Variants in ARID5B observed in about 807,000 individuals in gnomAD.
ARID5B encodes the protein AT-rich interactive domain-containing protein 5B.
Under a neutral mutation model 97.2 loss-of-function variants are expected in ARID5B, and 13 were observed. The ratio of observed to expected loss-of-function variants is 0.13; its 90% CI spans 0.09 to 0.21. The LOEUF is 0.21. Ranked by LOEUF, ARID5B falls within the 10% of genes least tolerant of loss-of-function variation. The pLI is 1.00. For missense variants in ARID5B, 1,210 were observed against 1,465.3 expected (o/e 0.83, Z 2.84); for synonymous variants, 556 against 570.3 (o/e 0.97, Z 0.36).
At chr10:61,904,117 TA>T (rs1200108725) in intron 2 of ARID5B, among the ~76,000 whole-genome samples, 1 of 138,966 alleles carries the variant, frequency 7.2e-6, no homozygotes, top group East Asian at 2.4e-4. Flanking sequence ...CCTGATTTCT[TA>T]TTATTTGCTT....
At chr10:61,943,716 T>C (rs1844453676) in intron 3 of ARID5B, among the ~76,000 whole-genome samples, 1 of 152,056 alleles carries the variant, frequency 6.6e-6, no homozygotes, top group Non-Finnish European at 1.5e-5. Context: ...CCAGTTTGTG[T>C]CACTTCCTGT....
chr10:62,061,034 A>G (rs1417374512), intron 7 of ARID5B, among the ~76,000 whole-genome samples: 1 of 152,242 alleles, frequency 6.6e-6, no homozygotes, highest in African/African-American at 2.4e-5. Context: ...TGGATGAATG[A>G]ATGACCACAC....
At chr10:61,953,428 G>A (rs187643299) in intron 3 of ARID5B, among the ~76,000 whole-genome samples, 96 of 152,138 alleles carry the variant, frequency 6.3e-4, no homozygotes, top group Non-Finnish European at 1.2e-3. Flanking sequence ...TCACATGTGC[G>A]GCCTGTATCT....
chr10:61,950,521 T>A (rs1246869717), intron 3 of ARID5B, among the ~76,000 whole-genome samples: 1 of 152,116 alleles, frequency 6.6e-6, no homozygotes. Flanking sequence ...ATTTTAAAAA[T>A]TAGCTGAGTT....
chr10:62,070,722 G>C (rs936236508), intron 8 of ARID5B, among the ~76,000 whole-genome samples: 54 of 152,202 alleles, frequency 3.5e-4, no homozygotes, highest in Admixed American at 1.1e-3. Context: ...TTGCTACAAA[G>C]TATTCCCAAA....
chr10:61,902,561 G>C, intron 2 of ARID5B, 148 bp downstream of exon 2: 1 of 1,135,154 alleles, frequency 8.8e-7, no homozygotes, highest in Non-Finnish European at 1.2e-6. Flanking sequence ...CACTAGCTGG[G>C]GCTCGAGTAT....
Position 62,051,247 on chromosome 10 carries a change from G to A in ARID5B, c.846+247G>A, listed in dbSNP as rs916098904. 5.1e-6 allele frequency: 3 copies of A among 583,344 alleles called. No homozygotes were observed. The African/African-American group carries it at 5.6e-5, about 11-fold the overall frequency. The allele number at this position is 583,344 out of a possible 1,614,324, so 36.1% of individuals were successfully genotyped here. On this transcript the variant is annotated intron_variant, in intron 5 of 9. Transcript: ENST00000279873. ...GACTTCCTACCTCCCAGTTTGGCCT[G>A]TTATGAGTAAAGGACAGATGATTAA...
At chr10:62,054,161 G>A (rs540256744) in intron 5 of ARID5B, among the ~76,000 whole-genome samples, 14 of 152,250 alleles carry the variant, frequency 9.2e-5, no homozygotes, top group African/African-American at 3.4e-4. Context: ...GGTGTATGGT[G>A]TTCAGGTCAG....
chr10:62,056,407 C>T (rs2132938463), intron 5 of ARID5B, among the ~76,000 whole-genome samples: 1 of 150,828 alleles, frequency 6.6e-6, no homozygotes, highest in East Asian at 1.9e-4. Context: ...GAGGGTGTAC[C>T]CCCGCATCAC....
At chr10:61,984,987 G>T (rs1838827479) in intron 3 of ARID5B, among the ~76,000 whole-genome samples, 1 of 151,996 alleles carries the variant, frequency 6.6e-6, no homozygotes, top group Non-Finnish European at 1.5e-5. Context: ...GAAAAATGGG[G>T]CTCATAATAA....
intron 1 of ARID5B, 69 bp from the exon 2 acceptor site, chr10:61,902,090 T>C (rs1004645794): frequency 4.4e-6 from 7 of 1,575,736 alleles, no homozygotes; most frequent in Non-Finnish European, 6.1e-6. Context: ...TGTGTAAATG[T>C]GTCTGGGAAT....
At chr10:62,039,718 G>A (rs1396500853) in intron 4 of ARID5B, among the ~76,000 whole-genome samples, 1 of 152,216 alleles carries the variant, frequency 6.6e-6, no homozygotes, top group African/African-American at 2.4e-5. Context: ...AATGATTGCG[G>A]AAAGAATGTT....
intron 2 of ARID5B, among the ~76,000 whole-genome samples, chr10:61,918,620 TA>T (rs1843951568): frequency 6.6e-6 from 1 of 152,236 alleles, no homozygotes; most frequent in African/African-American, 2.4e-5. Flanking sequence ...GTTTTTCATT[TA>T]CCCCAAAAGA....
chr10:62,024,973 G>C (rs1323087347), intron 4 of ARID5B: 1 of 263,072 alleles, frequency 3.8e-6, no homozygotes, highest in Non-Finnish European at 7.2e-6. Flanking sequence ...TAAAAGTCTT[G>C]CAGGTTAAGT....
chr10:62,068,505 G>A (rs1840021746), intron 7 of ARID5B, among the ~76,000 whole-genome samples: 1 of 151,682 alleles, frequency 6.6e-6, no homozygotes, highest in Non-Finnish European at 1.5e-5. Flanking sequence ...CAATTACAGA[G>A]CCCCGGTTGC....
chr10:62,031,359 T>C (rs1026477167), intron 4 of ARID5B, among the ~76,000 whole-genome samples: 2 of 150,982 alleles, frequency 1.3e-5, no homozygotes, highest in Non-Finnish European at 3.0e-5. Flanking sequence ...TGTAGATTGG[T>C]CCACTTTTCT....
At chr10:62,006,340 G>A (rs910271641) in intron 4 of ARID5B, among the ~76,000 whole-genome samples, 1 of 152,166 alleles carries the variant, frequency 6.6e-6, no homozygotes, top group Non-Finnish European at 1.5e-5. Flanking sequence ...TACTCGGGAG[G>A]CTGAGGCAGG....
chr10:62,092,042 A>G lies in ARID5B; in HGVS notation c.2579A>G (p.Asp860Gly), dbSNP rs1406590994. The change falls in exon 10 of 10, where the codon GAC (aspartate) becomes GGC (glycine). Residue 860 changes from aspartate to glycine, a missense_variant. Physicochemically the swap from Asp to Gly is moderately conservative, Grantham distance 94 (BLOSUM62 -1). Transcript: ENST00000279873. ...CAGACATCCAAATACCCTTCCAGGG[A>G]CATGTACAGGGAATCGGAAAACAGT... Reference protein sequence around the residue: ...NEQTSKYPSRDMYRESENSSF... With the variant: ...NEQTSKYPSRGMYRESENSSF... The G allele has an allele frequency of 2.5e-6, 4 of 1,614,044 alleles. No individual in the cohort carries two copies. The highest frequency in any genetic ancestry group is 1.7e-5 in the Admixed American group (1 of 59,990).
At chr10:62,085,599 A>G in intron 8 of ARID5B, 103 bp from the exon 9 acceptor site, 1 of 915,742 alleles carries the variant, frequency 1.1e-6, no homozygotes, top group South Asian at 1.6e-5. Context: ...AGATGAAGTC[A>G]TTTAATAATT....
Sources: allele counts gnomAD v4.1 joint callset (sites outside exome capture counted in the v4.1 genomes callset), GRCh38; gene constraint gnomAD v4.1.1; transcripts MANE v1.5; gene names NCBI Gene and HGNC (gene_info 2026-07-23, HGNC 2026-07-21).